The following CALN1 variants were observed in gnomAD, a reference collection of about 807,000 sequenced individuals.
The protein encoded by CALN1 is calcium-binding protein 8.
A neutral mutation model predicts 30.6 loss-of-function variants in CALN1; 17 were observed. The ratio of observed to expected loss-of-function variants is 0.56; its 90% CI spans 0.38 to 0.83. CALN1 has a LOEUF of 0.83. Ranked by LOEUF, CALN1 falls within the 40% of genes least tolerant of loss-of-function variation. The pLI is 0.00. For missense variants in CALN1, 291 were observed against 354.9 expected (o/e 0.82, Z 1.45); for synonymous variants, 156 against 131.4 (o/e 1.19, Z -1.28).
intron 5 of CALN1, 66 bp from the exon 6 acceptor site, chr7:71,810,558 G>T: frequency 6.5e-7 from 1 of 1,529,932 alleles, no homozygotes; most frequent in South Asian, 1.2e-5. Flanking sequence ...CTCGGGCCAT[G>T]ACAGGCCAGA....
chr7:72,106,364 T>C (rs974280808), intron 3 of CALN1, 70 bp from the exon 4 acceptor site: 21 of 1,588,914 alleles, frequency 1.3e-5, no homozygotes, highest in East Asian at 2.2e-5. Context: ...TTATTGGTGA[T>C]TGCCTACTGA....
chr7:72,309,141 C>A (rs1799865734), intron 2 of CALN1, among the ~76,000 whole-genome samples: 1 of 152,160 alleles, frequency 6.6e-6, no homozygotes, highest in African/African-American at 2.4e-5. Flanking sequence ...TATAGCCTGC[C>A]TTTTTCATTT....
At chr7:71,806,177 C>T (rs975787632) in intron 6 of CALN1, among the ~76,000 whole-genome samples, 7 of 151,536 alleles carry the variant, frequency 4.6e-5, no homozygotes, top group South Asian at 2.1e-4. Context: ...CAAACCTGCA[C>T]GTCCTGCACA....
intron 2 of CALN1, among the ~76,000 whole-genome samples, chr7:72,328,127 T>G: frequency 6.8e-6 from 1 of 146,610 alleles, no homozygotes; most frequent in East Asian, 2.1e-4. Flanking sequence ...AAAAAAAAAA[T>G]GTTTACTTTC....
At chr7:72,316,113 T>C (rs1196092316) in intron 2 of CALN1, among the ~76,000 whole-genome samples, 1 of 151,184 alleles carries the variant, frequency 6.6e-6, no homozygotes, top group Admixed American at 6.6e-5. Context: ...ATTGCACCAC[T>C]GCACTCCAGC....
intron 3 of CALN1, among the ~76,000 whole-genome samples, chr7:72,255,358 G>A (rs1464379038): frequency 8.1e-6 from 1 of 122,890 alleles, no homozygotes; most frequent in Admixed American, 8.2e-5. Context: ...AAAGTGCTGG[G>A]ATTATAGGGG....
At chr7:71,971,178 G>C (rs1346372351) in intron 5 of CALN1, among the ~76,000 whole-genome samples, 1 of 152,232 alleles carries the variant, frequency 6.6e-6, no homozygotes, top group Non-Finnish European at 1.5e-5. Flanking sequence ...GCCAGGCGTG[G>C]TGGCTCATGC....
intron 3 of CALN1, among the ~76,000 whole-genome samples, chr7:72,141,465 T>G (rs867648044): frequency 6.6e-6 from 1 of 151,956 alleles, no homozygotes; most frequent in African/African-American, 2.4e-5. Flanking sequence ...CTGGGTGTGA[T>G]GGCACTTTGA....
chr7:71,914,076 G>A (rs11972648), intron 5 of CALN1, among the ~76,000 whole-genome samples: 11,031 of 152,110 alleles, frequency 0.073, 1,283 homozygotes, highest in African/African-American at 0.25. Flanking sequence ...TTTAAATTCC[G>A]GGGTAAAAGT....
intron 3 of CALN1, among the ~76,000 whole-genome samples, chr7:72,245,131 C>T (rs900614064): frequency 6.6e-6 from 1 of 152,134 alleles, no homozygotes; most frequent in African/African-American, 2.4e-5. Context: ...GAACAATCCC[C>T]GCTGGAGGTG....
chr7:71,997,928 C>T (rs558916877), intron 5 of CALN1, among the ~76,000 whole-genome samples: 1 of 152,192 alleles, frequency 6.6e-6, no homozygotes, highest in South Asian at 2.1e-4. Flanking sequence ...TCAAGCGACT[C>T]TTGTGCCTCA....
At chr7:72,299,284 AAAGAC>A (rs1389299225) in intron 2 of CALN1, among the ~76,000 whole-genome samples, 3 of 152,208 alleles carry the variant, frequency 2.0e-5, no homozygotes, top group Non-Finnish European at 4.4e-5. Context: ...AAACAAGGAA[AAAGAC>A]AAGAAGCCCA....
chr7:72,010,847 A>G (rs1420291173), intron 5 of CALN1, among the ~76,000 whole-genome samples: 1 of 151,008 alleles, frequency 6.6e-6, no homozygotes, highest in South Asian at 2.1e-4. Flanking sequence ...AAGAAAAAGA[A>G]AAGAAAAGGA....
intron 5 of CALN1, among the ~76,000 whole-genome samples, chr7:72,014,502 C>T (rs12671441): frequency 0.14 from 21,850 of 152,106 alleles, 2,483 homozygotes; most frequent in East Asian, 0.34. Context: ...CTAAGATTTC[C>T]GGTGAGGTCG....
At chr7:71,878,028 A>C (rs1453826943) in intron 5 of CALN1, among the ~76,000 whole-genome samples, 1 of 152,164 alleles carries the variant, frequency 6.6e-6, no homozygotes. Context: ...GGAGCCCAAG[A>C]TTTTGCATTT....
At chr7:72,304,078 AAAG>A (rs1341092298) in intron 2 of CALN1, among the ~76,000 whole-genome samples, 1 of 152,236 alleles carries the variant, frequency 6.6e-6, no homozygotes, top group Non-Finnish European at 1.5e-5. Context: ...AAGCTGCAAA[AAAG>A]AAGAAAGAAA....
chr7:71,862,670 T>C (rs1333161842), intron 5 of CALN1, among the ~76,000 whole-genome samples: 1 of 152,232 alleles, frequency 6.6e-6, no homozygotes, highest in African/African-American at 2.4e-5. Flanking sequence ...ACCACTCTTG[T>C]AATTGCTAGG....
the CALN1 span, among the ~76,000 whole-genome samples, chr7:72,485,488 A>G: frequency 2.0e-4 from 31 of 152,224 alleles, no homozygotes; most frequent in African/African-American, 4.8e-5. Context: ...ATTTTAAAGT[A>G]AGGAATTGGA....
chr7:72,335,968 G>A (rs969374556), intron 2 of CALN1, among the ~76,000 whole-genome samples: 1 of 152,208 alleles, frequency 6.6e-6, no homozygotes, highest in Non-Finnish European at 1.5e-5. Context: ...GGAGAAACTA[G>A]GAACCCGAGT....
Sources: allele counts gnomAD v4.1 joint callset (sites outside exome capture counted in the v4.1 genomes callset), GRCh38; gene constraint gnomAD v4.1.1; transcripts MANE v1.5; gene names NCBI Gene and HGNC (gene_info 2026-07-23, HGNC 2026-07-21).